EXOC4: variants seen among roughly 807,000 people sequenced by gnomAD.
EXOC4 encodes the protein exocyst complex component 4, also known as SEC8-like 1.
Under a neutral mutation model 107.2 loss-of-function variants are expected in EXOC4, and 71 were observed. The observed-to-expected ratio is 0.66, with a 90% confidence interval of 0.55 to 0.81. The LOEUF (loss-of-function observed/expected upper bound fraction) is 0.81. Among genes scored for constraint, EXOC4 ranks in the 30% least tolerant of loss-of-function variants. The probability of loss-of-function intolerance (pLI) is 0.00; values close to 1 mark genes in which losing one functional copy is unlikely to be tolerated. For missense variants in EXOC4, 1,108 were observed against 1,189.6 expected, an observed-to-expected ratio of 0.93 and a Z score of 1.01; for synonymous variants, 456 against 441.2, an observed-to-expected ratio of 1.03 and a Z score of -0.42.
intron 17 of EXOC4, among the ~76,000 whole-genome samples, chr7:134,014,389 C>T (rs1274191426): frequency 2.0e-5 from 3 of 152,048 alleles, no homozygotes; most frequent in East Asian, 1.9e-4. Flanking sequence ...GGCGACAGAG[C>T]GAGACTCCGT....
chr7:133,912,987 G>A (rs60266194), intron 12 of EXOC4, among the ~76,000 whole-genome samples: 62 of 152,226 alleles, frequency 4.1e-4, no homozygotes, highest in African/African-American at 1.4e-3. Context: ...CTGGTATAGG[G>A]GTGATGAGGC....
At chr7:133,600,472 G>A (rs1262859530) in intron 9 of EXOC4, among the ~76,000 whole-genome samples, 1 of 152,166 alleles carries the variant, frequency 6.6e-6, no homozygotes, top group Non-Finnish European at 1.5e-5. Context: ...AATAAGAGTG[G>A]TGTAGTTTTC....
chr7:133,911,380 T>C (rs1280683694), intron 12 of EXOC4, among the ~76,000 whole-genome samples: 1 of 152,202 alleles, frequency 6.6e-6, no homozygotes, highest in Non-Finnish European at 1.5e-5. Flanking sequence ...AAATTTTCTT[T>C]AGGGTAATTG....
rs1182172330 is a variant in EXOC4 at position 133,912,357 on chromosome 7, G to A, written c.1872-5226G>A. On this transcript the variant is annotated intron_variant, in intron 12 of 17. Coordinates refer to ENST00000253861, the MANE Select transcript of EXOC4 (RefSeq NM_021807.4). ...AGAAGGGAAAGGCTTGTCAATAATC[G>A]CTCTTTGGTTCATTTGTTTTATGAG... is the stretch of plus-strand genomic sequence containing the variant. 2.0e-5 allele frequency among the ~76,000 whole-genome samples: 3 copies of A among 152,266 alleles called. No homozygotes were observed. The South Asian group carries it at 6.2e-4, about 32-fold the overall frequency.
intron 7 of EXOC4, among the ~76,000 whole-genome samples, chr7:133,424,388 C>T (rs1797676964): frequency 1.3e-5 from 2 of 151,960 alleles, no homozygotes; most frequent in Non-Finnish European, 2.9e-5. Context: ...ACACTCACCG[C>T]GAAGGTCTGC....
intron 10 of EXOC4, among the ~76,000 whole-genome samples, chr7:133,671,041 G>A (rs902325470): frequency 1.3e-5 from 2 of 152,144 alleles, no homozygotes; most frequent in Admixed American, 6.5e-5. Flanking sequence ...TGAGATACCT[G>A]GGAGAGACGC....
At chr7:133,707,760 C>T (rs1319527602) in intron 10 of EXOC4, among the ~76,000 whole-genome samples, 1 of 152,004 alleles carries the variant, frequency 6.6e-6, no homozygotes, top group Admixed American at 6.6e-5. Flanking sequence ...GGACTACAGG[C>T]GCACGCCACC....
chr7:133,954,139 CTG>C (rs1431778764), intron 14 of EXOC4, among the ~76,000 whole-genome samples: 3 of 152,212 alleles, frequency 2.0e-5, no homozygotes, highest in Admixed American at 6.5e-5. Context: ...AAAAGGGAAA[CTG>C]TGGATTGACA....
At position 133,876,007 on chromosome 7, in the gene EXOC4, T is replaced by C. The variant is rs142753203; in HGVS notation, c.1735-19592T>C. ...TGTTGTATTCGAGAGCATAGCATAG[T>C]AGCAGTGCCTGGCACATAGTAGGTG... On this transcript the variant is annotated intron_variant, in intron 11 of 17. Transcript: ENST00000253861. 1.6e-3 allele frequency among the ~76,000 whole-genome samples: 238 copies of C among 152,326 alleles called. 2 individuals carry two copies. Among genetic ancestry groups the C allele is most frequent in the African/African-American group, 5.5e-3 (230 of 41,568 alleles).
At chr7:133,813,980 A>T (rs1374167020) in intron 10 of EXOC4, among the ~76,000 whole-genome samples, 1 of 152,246 alleles carries the variant, frequency 6.6e-6, no homozygotes, top group Non-Finnish European at 1.5e-5. Flanking sequence ...AGGAACTATT[A>T]TACAGCAATT....
At chr7:133,291,821 C>T (rs770969833) in intron 3 of EXOC4, among the ~76,000 whole-genome samples, 4 of 152,066 alleles carry the variant, frequency 2.6e-5, no homozygotes, top group Admixed American at 6.5e-5. Context: ...TATCTTTCTT[C>T]TATATAGTCT....
At chr7:133,562,031 C>T (rs1277993867) in intron 9 of EXOC4, among the ~76,000 whole-genome samples, 1 of 152,104 alleles carries the variant, frequency 6.6e-6, no homozygotes, top group South Asian at 2.1e-4. Context: ...GTTTTTGCAA[C>T]CAGAAATATG....
intron 10 of EXOC4, chr7:133,727,823 C>G (rs1294809414): frequency 6.6e-6 from 1 of 152,136 alleles, no homozygotes; most frequent in South Asian, 2.1e-4. Flanking sequence ...CAAGATTACT[C>G]CCATTTTTAT....
chr7:133,946,352 CCCCCTG>C (rs1381818082), intron 14 of EXOC4, among the ~76,000 whole-genome samples: 1 of 152,166 alleles, frequency 6.6e-6, no homozygotes, highest in African/African-American at 2.4e-5. Context: ...GAGCTTCCCA[CCCCCTG>C]CCTGACTCTA....
chr7:134,014,826 T>A (rs1438563746), intron 17 of EXOC4, among the ~76,000 whole-genome samples: 1 of 152,168 alleles, frequency 6.6e-6, no homozygotes, highest in Admixed American at 6.5e-5. Context: ...TTTTAAGACT[T>A]GAAAAATTAA....
At chr7:133,451,399 AT>A (rs1435360094) in intron 7 of EXOC4, among the ~76,000 whole-genome samples, 3 of 151,744 alleles carry the variant, frequency 2.0e-5, no homozygotes, top group Admixed American at 2.0e-4. Context: ...TTTTGATCTT[AT>A]TTTCTTTAGC....
chr7:133,648,083 C>T (rs1585052838), intron 10 of EXOC4, among the ~76,000 whole-genome samples: 4 of 152,190 alleles, frequency 2.6e-5, no homozygotes, highest in African/African-American at 4.8e-5. Context: ...TCTAATTACT[C>T]GCATAACTTA....
chr7:133,398,705 A>G (rs528031680), intron 7 of EXOC4, among the ~76,000 whole-genome samples: 1 of 152,140 alleles, frequency 6.6e-6, no homozygotes, highest in Admixed American at 6.6e-5. Flanking sequence ...CTTTATTTTC[A>G]TAAGTTCCAC....
chr7:134,069,424 TCTTCTCCTCCTC>T (rs1221424946), downstream of EXOC4, among the ~76,000 whole-genome samples: 2 of 146,176 alleles, frequency 1.4e-5, no homozygotes, highest in Non-Finnish European at 3.0e-5. Flanking sequence ...TCCTTCCTCC[TCTTCTCCTCCTC>T]CTTCTCCTGC....
Sources: gnomAD v4.1 joint callset for allele counts (sites outside exome capture counted in the v4.1 genomes callset) on GRCh38, gnomAD v4.1.1 for gene constraint, MANE v1.5 for transcripts, NCBI Gene and HGNC (gene_info 2026-07-23, HGNC 2026-07-21) for gene names.